WNK2: variants seen among roughly 807,000 people sequenced by gnomAD.
The protein encoded by WNK2 is serine/threonine-protein kinase WNK2.
WNK2 carries 67 observed loss-of-function variants against 192.1 expected under a neutral mutation model. The ratio of observed to expected loss-of-function variants is 0.35; its 90% CI spans 0.29 to 0.43. The LOEUF is 0.43. Ranked by LOEUF, WNK2 falls within the 20% of genes least tolerant of loss-of-function variation. The probability of loss-of-function intolerance (pLI) is 1.00; values close to 1 mark genes in which losing one functional copy is unlikely to be tolerated. For synonymous variants in WNK2, 1,439 were observed against 1,393.9 expected, an observed-to-expected ratio of 1.03 and a Z score of -0.72; for missense variants, 2,698 against 3,089.7, an observed-to-expected ratio of 0.87 and a Z score of 3.01.
intron 2 of WNK2, among the ~76,000 whole-genome samples, chr9:93,189,200 C>T (rs1829884242): frequency 6.6e-6 from 1 of 152,184 alleles, no homozygotes. Context: ...ACTGACGCCT[C>T]CCTGTCAGCA....
intron 2 of WNK2, among the ~76,000 whole-genome samples, chr9:93,226,039 C>T (rs1264305911): frequency 6.6e-5 from 10 of 152,212 alleles, no homozygotes; most frequent in African/African-American, 2.4e-4. Context: ...TGTCTGAAAA[C>T]GAGTCTGGAC....
intron 23 of WNK2, among the ~76,000 whole-genome samples, chr9:93,295,708 C>G (rs114423251): frequency 6.6e-6 from 1 of 151,354 alleles, no homozygotes; most frequent in South Asian, 2.1e-4. Flanking sequence ...TCCATCCTCC[C>G]GTCACCATCC....
chr9:93,290,083 TGC>T, intron 21 of WNK2, 36 bp downstream of exon 21: 1 of 1,544,378 alleles, frequency 6.5e-7, no homozygotes, highest in South Asian at 1.2e-5. Flanking sequence ...GTTCACAAGG[TGC>T]TGCCTGGCTT....
chr9:93,289,006 G>A lies in WNK2; in HGVS notation c.4252G>A (p.Gly1418Arg). Reference sequence around the variant, plus strand: ...AGCGTCAGGAACTGCCAGCCAGGCAGGGGGTCCAGGGACACCTCAGGGGCT... The same window carrying A: ...AGCGTCAGGAACTGCCAGCCAGGCAAGGGGTCCAGGGACACCTCAGGGGCT... ...EPASGTASQA[G>R]GPGTPQGLTS... The change falls in exon 20 of 30, where the codon GGG (glycine) becomes AGG (arginine). Residue 1418 changes from glycine to arginine, a missense_variant. Coordinates refer to ENST00000427277, the MANE Select transcript of WNK2 (RefSeq NM_006648.4). The A allele has an allele frequency of 6.2e-7, 1 of 1,601,616 alleles. No individual in the cohort carries two copies. Among genetic ancestry groups the A allele is most frequent in the Non-Finnish European group, 8.5e-7 (1 of 1,174,110 alleles).
chr9:93,198,188 G>A (rs978634108), intron 2 of WNK2, among the ~76,000 whole-genome samples: 1 of 152,212 alleles, frequency 6.6e-6, no homozygotes, highest in African/African-American at 2.4e-5. Context: ...TGCAGGCTCC[G>A]GTGGTTCTGG....
At chr9:93,313,723 T>C (rs1450476374) in intron 28 of WNK2, among the ~76,000 whole-genome samples, 1 of 152,200 alleles carries the variant, frequency 6.6e-6, no homozygotes, top group African/African-American at 2.4e-5. Context: ...CATTTAAAAG[T>C]TGATTTGTTT....
intron 19 of WNK2, among the ~76,000 whole-genome samples, chr9:93,274,619 A>G (rs1227871952): frequency 1.3e-5 from 2 of 152,212 alleles, no homozygotes; most frequent in East Asian, 3.8e-4. Flanking sequence ...ATAATACTGC[A>G]ATAGTCTGAA....
intron 26 of WNK2, among the ~76,000 whole-genome samples, chr9:93,304,704 C>A (rs1206187621): frequency 2.0e-5 from 3 of 152,218 alleles, no homozygotes; most frequent in Non-Finnish European, 4.4e-5. Context: ...AGGGCCCAAT[C>A]GAGGCCGAGG....
chr9:93,312,706 A>G (rs567851560), intron 28 of WNK2, among the ~76,000 whole-genome samples: 103 of 152,242 alleles, frequency 6.8e-4, no homozygotes, highest in African/African-American at 2.3e-3. Flanking sequence ...TGGTATGTGC[A>G]TATCCAGTTT....
intron 16 of WNK2, among the ~76,000 whole-genome samples, chr9:93,265,960 C>T (rs1845101661): frequency 6.6e-6 from 1 of 152,194 alleles, no homozygotes; most frequent in Non-Finnish European, 1.5e-5. Context: ...TTTTTTCACT[C>T]AGCACTCGGA....
chr9:93,219,939 C>T (rs901827828), intron 2 of WNK2, among the ~76,000 whole-genome samples: 2 of 152,340 alleles, frequency 1.3e-5, no homozygotes, highest in South Asian at 2.1e-4. Context: ...CCCTGCTTAG[C>T]GCCGGGCTCC....
intron 4 of WNK2, among the ~76,000 whole-genome samples, chr9:93,233,288 C>G (rs866746944): frequency 6.6e-6 from 1 of 152,048 alleles, no homozygotes; most frequent in Non-Finnish European, 1.5e-5. Context: ...TTCCCGGCGT[C>G]AGGCCCCTCC....
intron 7 of WNK2, among the ~76,000 whole-genome samples, chr9:93,244,292 CAG>C (rs1431594227): frequency 6.6e-6 from 1 of 152,180 alleles, no homozygotes; most frequent in African/African-American, 2.4e-5. Context: ...CAGAGAGAGA[CAG>C]AGATGAAATA....
intron 12 of WNK2, among the ~76,000 whole-genome samples, chr9:93,260,926 G>T (rs1163176980): frequency 6.6e-6 from 1 of 152,236 alleles, no homozygotes; most frequent in African/African-American, 2.4e-5. Flanking sequence ...TCTGGGCACA[G>T]TTAGTGGCTA....
rs113574805 is a variant in WNK2, at chr9:93,239,069, G to A, written c.1323-688G>A. Among the ~76,000 whole-genome samples, 3 of 152,224 alleles carry A rather than the reference G, an allele frequency of 2.0e-5. No homozygotes were observed. Among genetic ancestry groups the A allele is most frequent in the Non-Finnish European group, 2.9e-5 (2 of 68,034 alleles). On this transcript the variant is annotated intron_variant, in intron 6 of 29. Transcript: ENST00000427277. The surrounding 1 kb of genome is among the most constrained non-coding windows in gnomAD (Gnocchi z 4.2). Reference sequence around the variant, plus strand: ...GTGGTTCCATTTATAGGGTAAAGGGGGTTATAGGTTAGTGGTTAGGGAGGC... The same window carrying A: ...GTGGTTCCATTTATAGGGTAAAGGGAGTTATAGGTTAGTGGTTAGGGAGGC...
Position 93,237,664 on chromosome 9 carries a change from A to T in WNK2, c.1234-569A>T, listed in dbSNP as rs528074736. ...CGTGGGTCACATTTTCTTGCATCTC[A>T]GCATTTCTAGTAATTTTTGATTGGA... On this transcript the variant is annotated intron_variant, in intron 5 of 29. Transcript: ENST00000427277. Among the ~76,000 whole-genome samples, 108 of 152,144 alleles carry T rather than the reference A, an allele frequency of 7.1e-4. No homozygotes were observed. The South Asian group carries it at 0.021, about 30-fold the overall frequency.
intron 28 of WNK2, chr9:93,309,287 G>C (rs576724775): frequency 3.6e-6 from 1 of 278,066 alleles, no homozygotes; most frequent in African/African-American, 2.3e-5. Context: ...AAACAGAAGA[G>C]TGAACATCCA....
intron 19 of WNK2, among the ~76,000 whole-genome samples, chr9:93,276,255 A>G (rs958021997): frequency 1.3e-5 from 2 of 152,236 alleles, no homozygotes; most frequent in Non-Finnish European, 2.9e-5. Context: ...TGGTACACAC[A>G]TCGGTGGAAC....
intron 26 of WNK2, chr9:93,306,499 C>A: frequency 2.4e-6 from 1 of 410,848 alleles, no homozygotes. Flanking sequence ...TTCTCTTTTA[C>A]TTTTCTTAGA....
Sources: allele counts gnomAD v4.1 joint callset (sites outside exome capture counted in the v4.1 genomes callset), GRCh38; gene constraint gnomAD v4.1.1; non-coding constraint Gnocchi (gnomAD v3.1); transcripts MANE v1.5; gene names NCBI Gene and HGNC (gene_info 2026-07-23, HGNC 2026-07-21).